The following DOT1L variants were observed in gnomAD, a reference collection of about 807,000 sequenced individuals.
The protein encoded by DOT1L is histone-lysine N-methyltransferase, H3 lysine-79 specific.
In DOT1L, 33 loss-of-function variants were observed where a neutral mutation model predicts 153.3. The ratio of observed to expected loss-of-function variants is 0.22; its 90% CI spans 0.16 to 0.29. The LOEUF (loss-of-function observed/expected upper bound fraction) is 0.29. Among genes scored for constraint, DOT1L ranks in the 10% least tolerant of loss-of-function variants. The pLI, the probability that DOT1L is intolerant of heterozygous loss-of-function variation, is 1.00. For missense variants in DOT1L, 1,847 were observed against 2,119.9 expected (o/e 0.87, Z 2.53); for synonymous variants, 1,135 against 965.1 (o/e 1.18, Z -3.26).
Position 2,210,601 on chromosome 19 carries a change from T to G in DOT1L, c.1117-20T>G. ...TGGGAGGCTCTGTGCCCATCCCTGT[T>G]CTTCCCTTGTGTCCTCCAGGACTCT... is the stretch of plus-strand genomic sequence containing the variant. On this transcript the variant is annotated intron_variant, in intron 13 of 27. Coordinates refer to ENST00000398665, the MANE Select transcript of DOT1L (RefSeq NM_032482.3). 6.2e-7 allele frequency: 1 copy of G among 1,609,160 alleles called. No individual in the cohort carries two copies. Among genetic ancestry groups the G allele is most frequent in the Non-Finnish European group, 8.5e-7 (1 of 1,177,766 alleles).
intron 22 of DOT1L, among the ~76,000 whole-genome samples, chr19:2,218,747 A>C (rs2024004184): frequency 6.6e-6 from 1 of 151,236 alleles, no homozygotes. Flanking sequence ...CCCAGGCTGG[A>C]GTGCAATTGT....
At chr19:2,209,035 T>C (rs1568354996) in intron 12 of DOT1L, 59 bp downstream of exon 12, 1 of 1,576,686 alleles carries the variant, frequency 6.3e-7, no homozygotes, top group Non-Finnish European at 8.7e-7. Context: ...TGTGGGGAAA[T>C]GCAAAGCCGT....
chr19:2,207,552 G>T lies in DOT1L; in HGVS notation c.857-22G>T, dbSNP rs1314607005. ...GGGCTGTGGGCAGGCGCAGGCCCCGGCCTCACCTGTGGCTCCTGCAGACAT... is the reference window on the plus strand; with the variant it reads ...GGGCTGTGGGCAGGCGCAGGCCCCGTCCTCACCTGTGGCTCCTGCAGACAT... On this transcript the variant is annotated intron_variant, in intron 10 of 27. Transcript: ENST00000398665. This position sits in a 1 kb window ranked among gnomAD's most constrained non-coding sequence, Gnocchi z 4.5. 8.1e-6 allele frequency: 13 copies of T among 1,599,432 alleles called. No homozygotes were observed. The Admixed American group carries it at 2.0e-4, about 25-fold the overall frequency.
Position 2,227,064 on chromosome 19 carries a change from A to G in DOT1L, c.4543A>G (p.Thr1515Ala), listed in dbSNP as rs2144939525. 1 of 1,569,902 alleles carries G rather than the reference A, an allele frequency of 6.4e-7. No homozygotes were observed. Among genetic ancestry groups the G allele is most frequent in the East Asian group, 2.3e-5 (1 of 43,694 alleles). ...CCTGGTGCACGTGTCGTCCGCTGCC[A>G]CCAGACTGACCAACTCGCACGCCAT... The part of the protein sequence containing the change: ...AGLVHVSSAA[T>A]RLTNSHAMGS... Residue 1515 changes from threonine (T) to alanine (A), a missense_variant, in exon 27 of 28, where the codon ACC becomes GCC. By Grantham distance (58) the Thr-to-Ala change is moderately conservative. This residue lies in a region of DOT1L where 934 missense variants were observed against 825.3 expected (regional missense o/e 1.13). Transcript: ENST00000398665.
intron 18 of DOT1L, 92 bp downstream of exon 18, chr19:2,214,078 G>T: frequency 6.7e-7 from 1 of 1,498,558 alleles, no homozygotes; most frequent in Admixed American, 2.1e-5. Context: ...GCTCTGGAAG[G>T]CCCGCCTCTG....
Position 2,227,856 on chromosome 19 carries a change from G to A in DOT1L, c.4606+729G>A, listed in dbSNP as rs1036892031. On this transcript the variant is annotated intron_variant, in intron 27 of 27. Transcript: ENST00000398665. ...GAGCCCGCTGCAGGCGGCGGCCAGC[G>A]CCTCGGCCTCTTCCTTTCAGGCCCC... The A allele has an allele frequency of 9.3e-6, 12 of 1,283,854 alleles. 1 individual carries two copies. In the South Asian group the frequency reaches 9.9e-5, roughly 11 times the overall value. The allele number at this position is 1,283,854 out of a possible 1,614,324, so 79.5% of individuals were successfully genotyped here.
At chr19:2,184,830 A>G (rs778189620) in intron 2 of DOT1L, among the ~76,000 whole-genome samples, 3 of 152,092 alleles carry the variant, frequency 2.0e-5, no homozygotes, top group Non-Finnish European at 4.4e-5. Flanking sequence ...TTTCCTCCCC[A>G]GGAGGTGCTG....
In DOT1L at chr19:2,178,923, G is replaced by A. The variant is rs376582595; in HGVS notation, c.82-1790G>A. 1.4e-4 allele frequency among the ~76,000 whole-genome samples: 21 copies of A among 152,284 alleles called. No homozygotes were observed. The East Asian group carries it at 2.1e-3, about 15-fold the overall frequency. ...AAGCACCGCACAGACTTTCTATGTG[G>A]CTTTATTTCATCACAGTACCCTGAT... is the stretch of plus-strand genomic sequence containing the variant. On this transcript the variant is annotated intron_variant, in intron 1 of 27. Coordinates refer to ENST00000398665, the MANE Select transcript of DOT1L (RefSeq NM_032482.3).
At chr19:2,219,307 C>T (rs966892331) in intron 22 of DOT1L, among the ~76,000 whole-genome samples, 1 of 152,178 alleles carries the variant, frequency 6.6e-6, no homozygotes, top group South Asian at 2.1e-4. Flanking sequence ...CGTGCCCGGC[C>T]GGTTTTTTGT....
chr19:2,213,525 T>C lies in DOT1L; in HGVS notation c.1558-14T>C, dbSNP rs8110156. 1,530 of 1,611,582 alleles carry C rather than the reference T, an allele frequency of 9.5e-4. 17 individuals are homozygous for C. The African/African-American group carries it at 0.018, about 19-fold the overall frequency. The stretch of plus-strand genomic sequence containing the variant: ...TGCCCTGGCCCTTAGTCACCTGCCC[T>C]GTTTGTCCTACAGGAGAAGAACGCC... On this transcript the variant is annotated splice_polypyrimidine_tract_variant and intron_variant, in intron 16 of 27. Coordinates refer to ENST00000398665, the MANE Select transcript of DOT1L (RefSeq NM_032482.3).
rs373787443 is a variant in DOT1L, at chr19:2,210,770, C to T, written c.1266C>T (p.Pro422=). The change falls in exon 14 of 28, where the codon CCC becomes CCT. Residue 422 remains proline, a synonymous_variant. Coordinates refer to ENST00000398665, the MANE Select transcript of DOT1L (RefSeq NM_032482.3). ...CCAAGAAGATGAACACTGCGAACCC[C>T]GAGCGGAAGCCCAAGAAGAACCAAA... ...GRPKKMNTAN[P]ERKPKKNQTA... 2.2e-4 allele frequency: 358 copies of T among 1,612,968 alleles called. No homozygotes were observed. The highest frequency in any genetic ancestry group is 2.8e-4 in the Non-Finnish European group (332 of 1,180,016).
intron 1 of DOT1L, among the ~76,000 whole-genome samples, chr19:2,169,650 C>T (rs766888562): frequency 7.2e-5 from 11 of 152,110 alleles, no homozygotes; most frequent in Admixed American, 4.6e-4. Context: ...TGAGCCACCA[C>T]GCCCAGCTCT....
intron 27 of DOT1L, chr19:2,229,532 C>T (rs1043706982): frequency 1.1e-5 from 11 of 985,464 alleles, no homozygotes; most frequent in Middle Eastern, 5.2e-4. Context: ...TTTAGCTGGA[C>T]TCGGCTGTGT....
chr19:2,188,906 T>C (rs2022668414), intron 3 of DOT1L, among the ~76,000 whole-genome samples: 1 of 152,190 alleles, frequency 6.6e-6, no homozygotes. Context: ...CGGTGTTTCT[T>C]GTGGCTCACG....
At chr19:2,196,780 C>T (rs1426055098) in intron 7 of DOT1L, among the ~76,000 whole-genome samples, 1 of 152,190 alleles carries the variant, frequency 6.6e-6, no homozygotes, top group Non-Finnish European at 1.5e-5. Flanking sequence ...GTCGTGAGGG[C>T]AAGACGGGTA....
Position 2,191,343 on chromosome 19 carries a change from G to A in DOT1L, c.493+103G>A, listed in dbSNP as rs1448581117. On this transcript the variant is annotated intron_variant, in intron 5 of 27. Transcript: ENST00000398665. The surrounding 1 kb of genome is among the most constrained non-coding windows in gnomAD (Gnocchi z 6.8). ...GAAGAGTTTATCAGGGACTTGCGAC[G>A]TTGGCGTGGACAGTGCTTCCTTCTC... 31 of 1,216,288 alleles carry A rather than the reference G, an allele frequency of 2.5e-5. No homozygotes were observed. Among genetic ancestry groups the A allele is most frequent in the East Asian group, 1.2e-4 (5 of 42,620 alleles). The allele number at this position is 1,216,288 out of a possible 1,614,324, so 75.3% of individuals were successfully genotyped here. A position where few individuals can be genotyped will look rare whatever the true frequency, so the allele number is the denominator to read the frequency against.
intron 1 of DOT1L, among the ~76,000 whole-genome samples, chr19:2,168,126 A>T (rs1481930206): frequency 6.6e-6 from 1 of 151,946 alleles, no homozygotes; most frequent in Non-Finnish European, 1.5e-5. Flanking sequence ...ACAAGCCAAT[A>T]TTCTCCCCCC....
intron 8 of DOT1L, among the ~76,000 whole-genome samples, chr19:2,201,623 G>T (rs1599578453): frequency 6.6e-6 from 1 of 152,234 alleles, no homozygotes; most frequent in Non-Finnish European, 1.5e-5. Flanking sequence ...GGAGGGAATC[G>T]TGCTGACCCT....
In DOT1L at chr19:2,216,359, G is replaced by A. The variant is rs370276763; in HGVS notation, c.2002G>A (p.Ala668Thr). 4.5e-5 allele frequency: 72 copies of A among 1,610,902 alleles called. No individual in the cohort carries two copies. In the South Asian group the frequency reaches 5.9e-4, roughly 13 times the overall value. Residue 668 changes from alanine (A) to threonine (T), a missense_variant, in exon 20 of 28, where the codon GCC becomes ACC. This residue lies in a region of DOT1L where 281 missense variants were observed against 263.6 expected (regional missense o/e 1.07). Coordinates refer to ENST00000398665, the MANE Select transcript of DOT1L (RefSeq NM_032482.3). ...QLKSCVPPDD[A>T]LSLHLRGKGA... is the part of the protein sequence containing the mutation. ...CAAGTCCTGTGTGCCGCCTGACGAC[G>A]CCCTGTCCCTGCACCTGCGTGGGAA...
Sources: allele counts gnomAD v4.1 joint callset (sites outside exome capture counted in the v4.1 genomes callset), GRCh38; gene constraint gnomAD v4.1.1; regional missense constraint gnomAD v4.1.1; non-coding constraint Gnocchi (gnomAD v3.1); transcripts MANE v1.5; gene names NCBI Gene and HGNC (gene_info 2026-07-23, HGNC 2026-07-21).